Variants in TNR observed in about 807,000 individuals in gnomAD.
TNR encodes tenascin R, also known as tenascin-R.
Under a neutral mutation model 150.4 loss-of-function variants are expected in TNR, and 45 were observed. The ratio of observed to expected loss-of-function variants is 0.30; its 90% CI spans 0.24 to 0.38. The LOEUF is 0.38. TNR is among the 10% of genes least tolerant of loss of function. The pLI, the probability that TNR is intolerant of heterozygous loss-of-function variation, is 1.00. For synonymous variants in TNR, 687 were observed against 678.4 expected, an observed-to-expected ratio of 1.01 and a Z score of -0.20; for missense variants, 1,544 against 1,759.1, an observed-to-expected ratio of 0.88 and a Z score of 2.19.
chr1:175,497,862 C>T (rs1658552648), intron 2 of TNR, among the ~76,000 whole-genome samples: 1 of 152,144 alleles, frequency 6.6e-6, no homozygotes, highest in South Asian at 2.1e-4. Flanking sequence ...GAGTTTGAGA[C>T]CAGCCTGGCC....
chr1:175,498,699 C>T (rs1271134675), intron 2 of TNR, among the ~76,000 whole-genome samples: 4 of 152,082 alleles, frequency 2.6e-5, no homozygotes, highest in East Asian at 3.9e-4. Flanking sequence ...AGAAAACCAT[C>T]GAGGGAGGGC....
chr1:175,735,151 G>A (rs906993719), intron 1 of TNR, among the ~76,000 whole-genome samples: 3 of 152,146 alleles, frequency 2.0e-5, no homozygotes, highest in Admixed American at 6.5e-5. Flanking sequence ...CATTTGCAGG[G>A]CTTTCATCTG....
chr1:175,357,871 A>G (rs554251517), intron 15 of TNR, among the ~76,000 whole-genome samples: 3 of 152,368 alleles, frequency 2.0e-5, no homozygotes, highest in African/African-American at 7.2e-5. Context: ...ATAGCCTTAT[A>G]GAGTGTGTGG....
At chr1:175,356,017 T>C (rs963572607) in intron 16 of TNR, among the ~76,000 whole-genome samples, 1 of 152,184 alleles carries the variant, frequency 6.6e-6, no homozygotes, top group Admixed American at 6.5e-5. Context: ...AGCTCTTTCC[T>C]AGATATCTAG....
intron 2 of TNR, among the ~76,000 whole-genome samples, chr1:175,477,146 G>A (rs1657579996): frequency 6.6e-6 from 1 of 152,152 alleles, no homozygotes. Flanking sequence ...GGGAAGGAAA[G>A]CACCATACAG....
chr1:175,416,881 G>T (rs369878910), intron 2 of TNR, among the ~76,000 whole-genome samples: 1 of 152,082 alleles, frequency 6.6e-6, no homozygotes, highest in African/African-American at 2.4e-5. Flanking sequence ...GGTGGCAGGC[G>T]CCTGTAGTCC....
At chr1:175,645,520 A>G (rs931291936) in intron 1 of TNR, among the ~76,000 whole-genome samples, 3 of 152,252 alleles carry the variant, frequency 2.0e-5, no homozygotes, top group African/African-American at 7.2e-5. Context: ...TCTTTGTATC[A>G]GGAACATTGA....
At chr1:175,652,888 T>C (rs1665042726) in intron 1 of TNR, among the ~76,000 whole-genome samples, 1 of 152,200 alleles carries the variant, frequency 6.6e-6, no homozygotes, top group Non-Finnish European at 1.5e-5. Flanking sequence ...AGTAGAAAAT[T>C]CACAGCAAGG....
In TNR at chr1:175,581,573, G is replaced by A. The variant is rs569740782; in HGVS notation, c.-164-53204C>T. ...TCATGGCAGCATGGGGTGGTGCAGA[G>A]AAAATGTGGTGGGAGTTCTGATCTT... On this transcript the variant is annotated intron_variant, in intron 1 of 22. Coordinates refer to ENST00000367674, the MANE Select transcript of TNR (RefSeq NM_003285.3). Among the ~76,000 whole-genome samples the A allele has an allele frequency of 2.0e-5, 3 of 152,312 alleles. No individual in the cohort carries two copies. The East Asian group carries it at 5.8e-4, about 29-fold the overall frequency.
rs372527291 is a variant in TNR, at chr1:175,360,705, A to T, written c.2855-974T>A. Reference sequence around the variant, plus strand: ...CCTTTATCACAAAGAAACAACCTGCACAATATTTTCATGTTAAAATTGGAA... The same window carrying T: ...CCTTTATCACAAAGAAACAACCTGCTCAATATTTTCATGTTAAAATTGGAA... On this transcript the variant is annotated intron_variant, in intron 14 of 22. Transcript: ENST00000367674. 3.9e-5 allele frequency among the ~76,000 whole-genome samples: 6 copies of T among 152,206 alleles called. No individual in the cohort carries two copies. The East Asian group carries it at 7.7e-4, about 19-fold the overall frequency.
At chr1:175,602,875 C>T (rs1053021112) in intron 1 of TNR, among the ~76,000 whole-genome samples, 3 of 152,142 alleles carry the variant, frequency 2.0e-5, no homozygotes, top group African/African-American at 4.8e-5. Context: ...CGGGGAGAAA[C>T]TTATGGCACA....
intron 18 of TNR, among the ~76,000 whole-genome samples, chr1:175,345,056 C>T (rs1210957484): frequency 3.3e-5 from 5 of 151,574 alleles, no homozygotes; most frequent in East Asian, 1.9e-4. Flanking sequence ...TGCAGTGAGC[C>T]GAGATCAAGC....
chr1:175,637,995 C>CATGG (rs528374882), intron 1 of TNR, among the ~76,000 whole-genome samples: 6 of 152,136 alleles, frequency 3.9e-5, no homozygotes, highest in Non-Finnish European at 8.8e-5. Flanking sequence ...AGAAAAGACT[C>CATGG]ATGGATTTCC....
chr1:175,553,817 A>AACACACACACACACACACACAC (rs58714689), intron 1 of TNR, among the ~76,000 whole-genome samples: 281 of 145,480 alleles, frequency 1.9e-3, no homozygotes, highest in South Asian at 5.6e-3. Flanking sequence ...TACAAGAACA[A>AACACACACACACACACACACAC]ACACACACAC....
At chr1:175,672,833 T>C (rs1665742167) in intron 1 of TNR, among the ~76,000 whole-genome samples, 1 of 152,218 alleles carries the variant, frequency 6.6e-6, no homozygotes, top group African/African-American at 2.4e-5. Flanking sequence ...TTTTCAATTC[T>C]ACAGTACCTT....
At chr1:175,412,059 A>ATGG (rs1389649102) in intron 2 of TNR, among the ~76,000 whole-genome samples, 1 of 152,126 alleles carries the variant, frequency 6.6e-6, no homozygotes, top group East Asian at 1.9e-4. Context: ...GCAGGGCCCT[A>ATGG]TGGTGATTTT....
intron 1 of TNR, among the ~76,000 whole-genome samples, chr1:175,688,574 C>G (rs112115441): frequency 6.6e-6 from 1 of 152,300 alleles, no homozygotes; most frequent in South Asian, 2.1e-4. Context: ...ACCCAGGAAG[C>G]AGAGGGCAGT....
rs758872697 is a variant in TNR, at chr1:175,413,467, C to G, written c.-63-6690G>C. On this transcript the variant is annotated intron_variant, in intron 2 of 22. Coordinates refer to ENST00000367674, the MANE Select transcript of TNR (RefSeq NM_003285.3). Reference sequence around the variant, plus strand: ...AGAGAGGTCCCACTTGTTCTGGGACCCATTCTGTGTCTTTGGTATGAGGCA... The same window carrying G: ...AGAGAGGTCCCACTTGTTCTGGGACGCATTCTGTGTCTTTGGTATGAGGCA... Among the ~76,000 whole-genome samples the G allele has an allele frequency of 9.2e-5, 14 of 152,140 alleles. 1 individual carries two copies. The highest frequency in any genetic ancestry group is 1.8e-4 in the Non-Finnish European group (12 of 68,030).
chr1:175,507,159 C>A (rs1557975856), intron 2 of TNR, among the ~76,000 whole-genome samples: 1 of 152,180 alleles, frequency 6.6e-6, no homozygotes, highest in Non-Finnish European at 1.5e-5. Context: ...CCACCTCCCT[C>A]TGCAGTGGTG....
Sources: gnomAD v4.1 joint callset for allele counts (sites outside exome capture counted in the v4.1 genomes callset) on GRCh38, gnomAD v4.1.1 for gene constraint, MANE v1.5 for transcripts, NCBI Gene and HGNC (gene_info 2026-07-23, HGNC 2026-07-21) for gene names.